The following RORA variants were observed in gnomAD, a reference collection of about 807,000 sequenced individuals.
The protein encoded by RORA is nuclear receptor ROR-alpha.
RORA carries 7 observed loss-of-function variants against 69.5 expected under a neutral mutation model. The observed-to-expected ratio is 0.10, with a 90% CI of 0.06 to 0.19. The LOEUF (loss-of-function observed/expected upper bound fraction) is 0.19. Among genes scored for constraint, RORA ranks in the 10% least tolerant of loss-of-function variants. The probability of loss-of-function intolerance (pLI) is 1.00; values close to 1 mark genes in which losing one functional copy is unlikely to be tolerated. For missense variants in RORA, 457 were observed against 663.0 expected, an observed-to-expected ratio of 0.69 and a Z score of 3.41; for synonymous variants, 261 against 240.8, an observed-to-expected ratio of 1.08 and a Z score of -0.78.
At chr15:61,097,984 A>T (rs980687202) in intron 1 of RORA, among the ~76,000 whole-genome samples, 1 of 152,094 alleles carries the variant, frequency 6.6e-6, no homozygotes, top group Middle Eastern at 3.2e-3. Context: ...TCTGCCTGGT[A>T]TGTTGGGCCT....
intron 1 of RORA, among the ~76,000 whole-genome samples, chr15:60,706,733 G>C (rs926845260): frequency 6.6e-6 from 1 of 152,176 alleles, no homozygotes; most frequent in African/African-American, 2.4e-5. Flanking sequence ...AACAGGAAGA[G>C]AGTGCTTCTG....
chr15:60,668,437 CA>C, intron 2 of RORA, among the ~76,000 whole-genome samples: 1 of 152,200 alleles, frequency 6.6e-6, no homozygotes, highest in Non-Finnish European at 1.5e-5. Context: ...ATTATAAAAT[CA>C]TTTTTAATAA....
At chr15:61,039,735 ACT>A (rs1235793243) in intron 1 of RORA, among the ~76,000 whole-genome samples, 2 of 120,688 alleles carry the variant, frequency 1.7e-5, no homozygotes. Context: ...ACAGAGTGAG[ACT>A]CTGTCTCAAA....
At chr15:61,158,300 T>C (rs1013321895) in intron 1 of RORA, among the ~76,000 whole-genome samples, 1 of 152,144 alleles carries the variant, frequency 6.6e-6, no homozygotes, top group Non-Finnish European at 1.5e-5. Context: ...CTGACAGCCT[T>C]CTCCTCTCTG....
At chr15:60,588,224 G>C (rs867447641) in intron 2 of RORA, among the ~76,000 whole-genome samples, 1 of 152,138 alleles carries the variant, frequency 6.6e-6, no homozygotes, top group South Asian at 2.1e-4. Context: ...TGCTGACTCT[G>C]AGTGTCTAAT....
chr15:61,054,234 C>CAT (rs2078058076), intron 1 of RORA, among the ~76,000 whole-genome samples: 3 of 149,360 alleles, frequency 2.0e-5, no homozygotes, highest in African/African-American at 7.4e-5. Context: ...TTTTCCTGAA[C>CAT]ACAAGAGGAA....
intron 1 of RORA, among the ~76,000 whole-genome samples, chr15:60,904,008 G>A (rs1248478234): frequency 6.6e-6 from 1 of 152,154 alleles, no homozygotes; most frequent in African/African-American, 2.4e-5. Context: ...TGATTTCTCT[G>A]TCATTCATAC....
At chr15:61,082,228 C>T (rs2078553463) in intron 1 of RORA, among the ~76,000 whole-genome samples, 1 of 152,220 alleles carries the variant, frequency 6.6e-6, no homozygotes, top group African/African-American at 2.4e-5. Context: ...GTGGCTCACA[C>T]CTGTAATCCC....
chr15:61,185,002 AAAG>A lies in RORA; in HGVS notation c.166+44048_166+44050del, dbSNP rs1313174431. On this transcript the variant is annotated intron_variant, in intron 1 of 10. Coordinates refer to ENST00000335670, the MANE Select transcript of RORA (RefSeq NM_134261.3). ...CCTGTCTCTCAAAAAAAAAAAAAAA[AAAG>A]AAGAAGAAGAAGAAGAAGAAGGACT... is the stretch of plus-strand genomic sequence containing the variant. Among the ~76,000 whole-genome samples the A allele has an allele frequency of 2.1e-3, 318 of 150,854 alleles. 1 individual carries two copies. The highest frequency in any genetic ancestry group is 7.0e-3 in the African/African-American group (289 of 41,064).
rs532809913 is a variant in RORA at position 61,067,961 on chromosome 15, C to G, written c.166+161092G>C. Among the ~76,000 whole-genome samples the G allele has an allele frequency of 1.0e-3, 157 of 152,290 alleles. 5 individuals carry two copies. The South Asian group carries it at 0.032, about 31-fold the overall frequency. On this transcript the variant is annotated intron_variant, in intron 1 of 10. Coordinates refer to ENST00000335670, the MANE Select transcript of RORA (RefSeq NM_134261.3). ...TAGCTGTAGATGATATTATGAATGG[C>G]CAGAGGGTCAGAGATATGCTTTTGG... is the stretch of plus-strand genomic sequence containing the variant.
At chr15:60,843,247 T>G (rs1258273666) in intron 1 of RORA, among the ~76,000 whole-genome samples, 1 of 152,152 alleles carries the variant, frequency 6.6e-6, no homozygotes, top group Non-Finnish European at 1.5e-5. Flanking sequence ...GCAGAGACGC[T>G]CCCTGGTCAG....
intron 1 of RORA, among the ~76,000 whole-genome samples, chr15:60,947,692 A>T (rs1892937169): frequency 9.1e-6 from 1 of 110,344 alleles, no homozygotes; most frequent in Non-Finnish European, 2.4e-5. Context: ...GATCAATAAA[A>T]AAAAAAAAAA....
intron 1 of RORA, among the ~76,000 whole-genome samples, chr15:61,050,161 C>T (rs752681361): frequency 3.9e-5 from 6 of 152,186 alleles, no homozygotes; most frequent in Admixed American, 6.5e-5. Flanking sequence ...TGCTTGTTTT[C>T]GTAAATTTTC....
intron 1 of RORA, among the ~76,000 whole-genome samples, chr15:61,127,077 T>C (rs924343991): frequency 3.3e-5 from 5 of 152,184 alleles, no homozygotes; most frequent in Non-Finnish European, 7.3e-5. Context: ...AATATATTAC[T>C]ATATTAGACA....
At chr15:60,899,384 T>C (rs560940431) in intron 1 of RORA, among the ~76,000 whole-genome samples, 40 of 152,206 alleles carry the variant, frequency 2.6e-4, no homozygotes, top group Non-Finnish European at 5.3e-4. Context: ...TCTTATCTGA[T>C]TGAAATGCAT....
intron 1 of RORA, among the ~76,000 whole-genome samples, chr15:60,852,344 G>A: frequency 6.6e-6 from 1 of 152,190 alleles, no homozygotes; most frequent in East Asian, 1.9e-4. Context: ...ATCCTGCCTT[G>A]GTATGGGCCA....
At chr15:60,663,852 G>T (rs1417831759) in intron 2 of RORA, among the ~76,000 whole-genome samples, 2 of 152,246 alleles carry the variant, frequency 1.3e-5, no homozygotes, top group African/African-American at 2.4e-5. Context: ...AATGTGAGAA[G>T]TTGGCTCTTC....
intron 1 of RORA, among the ~76,000 whole-genome samples, chr15:60,840,901 T>C (rs1245712445): frequency 6.6e-6 from 1 of 152,182 alleles, no homozygotes; most frequent in East Asian, 1.9e-4. Context: ...TTTCGAAAGC[T>C]GTTACCCAAA....
chr15:60,583,139 G>A (rs938195554), intron 2 of RORA, among the ~76,000 whole-genome samples: 2 of 152,156 alleles, frequency 1.3e-5, no homozygotes, highest in African/African-American at 4.8e-5. Context: ...GTGGAAGCAG[G>A]CAGGTAGTCC....
Sources: allele counts gnomAD v4.1 joint callset (sites outside exome capture counted in the v4.1 genomes callset), GRCh38; gene constraint gnomAD v4.1.1; transcripts MANE v1.5; gene names NCBI Gene and HGNC (gene_info 2026-07-23, HGNC 2026-07-21).